The following ADAMTS13 variants were observed in gnomAD, a reference collection of about 807,000 sequenced individuals.
The protein encoded by ADAMTS13 is ADAM metallopeptidase with thrombospondin type 1 motif 13, also known as A disintegrin and metalloproteinase with thrombospondin motifs 13.
In ADAMTS13, 110 loss-of-function variants were observed where a neutral mutation model predicts 155.1. That is an observed-to-expected ratio of 0.71 (90% CI 0.61 to 0.83). The LOEUF (loss-of-function observed/expected upper bound fraction) is 0.83, where lower values mean the gene tolerates loss of function less well. Ranked by LOEUF, ADAMTS13 falls within the 40% of genes least tolerant of loss-of-function variation. The pLI is 0.00. For missense variants in ADAMTS13, 1,707 were observed against 1,891.7 expected, an observed-to-expected ratio of 0.90 and a Z score of 1.81; for synonymous variants, 758 against 756.4, an observed-to-expected ratio of 1.00 and a Z score of -0.03.
At position 133,429,993 on chromosome 9, in the gene ADAMTS13, G is replaced by C. The variant is rs1554786744; in HGVS notation, c.879G>C (p.Ala293=). ...CGCCGCGGCCTCAACCCGGGTCCGC[G>C]GGGCACCCGCCGGATGCGCAGCCTG... ...WDPPRPQPGS[A]GHPPDAQPGL... is the part of the protein sequence containing the mutation. The change falls in exon 8 of 29, where the codon GCG becomes GCC. Residue 293 remains alanine (A), a synonymous_variant. Coordinates refer to ENST00000355699, the MANE Select transcript of ADAMTS13 (RefSeq NM_139027.6). 8 of 1,560,628 alleles carry C rather than the reference G, an allele frequency of 5.1e-6. No individual in the cohort carries two copies. The highest frequency in any genetic ancestry group is 6.9e-6 in the Non-Finnish European group (8 of 1,157,904).
upstream of ADAMTS13, among the ~76,000 whole-genome samples, chr9:133,421,841 G>A (rs1208281019): frequency 6.6e-6 from 1 of 152,192 alleles, no homozygotes; most frequent in Non-Finnish European, 1.5e-5. Flanking sequence ...GGCTCTGTGG[G>A]TGTAAAAGAG....
At chr9:133,430,771 C>G (rs1840697675) in intron 8 of ADAMTS13, among the ~76,000 whole-genome samples, 1 of 150,582 alleles carries the variant, frequency 6.6e-6, no homozygotes, top group Non-Finnish European at 1.5e-5. Flanking sequence ...CACCATTCTC[C>G]TGCCTCAGCC....
intron 24 of ADAMTS13, among the ~76,000 whole-genome samples, 163 bp downstream of exon 24, chr9:133,454,782 G>A (rs916422539): frequency 1.3e-5 from 2 of 152,236 alleles, no homozygotes; most frequent in African/African-American, 2.4e-5. Flanking sequence ...CAGAGAGACA[G>A]AGGGCCTAGA....
intron 11 of ADAMTS13, among the ~76,000 whole-genome samples, chr9:133,436,405 A>G (rs960866433): frequency 6.6e-6 from 1 of 151,924 alleles, no homozygotes; most frequent in African/African-American, 2.4e-5. Context: ...AACTCCGGTT[A>G]TCTTCTGTCA....
In ADAMTS13 at chr9:133,434,346, C is replaced by T. The variant is rs587680588; in HGVS notation, c.1308+642C>T. 3.9e-5 allele frequency among the ~76,000 whole-genome samples: 6 copies of T among 152,248 alleles called. No homozygotes were observed. In the East Asian group the frequency reaches 9.7e-4, roughly 25 times the overall value. On this transcript the variant is annotated intron_variant, in intron 11 of 28. Transcript: ENST00000355699. Reference sequence around the variant, plus strand: ...TTTTAGACAGAGTCTCTCCCTGTCACCCAGACTGGAGTGCAGTGGTGCTAT... The same window carrying T: ...TTTTAGACAGAGTCTCTCCCTGTCATCCAGACTGGAGTGCAGTGGTGCTAT...
Position 133,449,925 on chromosome 9 carries a change from G to A in ADAMTS13, c.3004G>A (p.Glu1002Lys). ...CCAGTGCCAGGGGCTGCCTCGCCCG[G>A]AACCCCAGGAGGCCTGCAGCCTGGA... The part of the protein sequence containing the change: ...DTQCQGLPRP[E>K]PQEACSLEPC... The change falls in exon 23 of 29, where the codon GAA becomes AAA. Residue 1002 changes from glutamate (E) to lysine (K), a missense_variant. This residue lies in a region of ADAMTS13 where 961 missense variants were observed against 1,107.9 expected (regional missense o/e 0.87). Coordinates refer to ENST00000355699, the MANE Select transcript of ADAMTS13 (RefSeq NM_139027.6). 2 of 1,611,626 alleles carry A rather than the reference G, an allele frequency of 1.2e-6. No individual in the cohort carries two copies. The highest frequency in any genetic ancestry group is 8.5e-7 in the Non-Finnish European group (1 of 1,179,494).
At chr9:133,437,597 T>G in intron 12 of ADAMTS13, 152 bp from the exon 13 acceptor site, 1 of 883,346 alleles carries the variant, frequency 1.1e-6, no homozygotes, top group Non-Finnish European at 1.8e-6. Context: ...TAGATTAGAT[T>G]AGGATCGTGA....
chr9:133,436,575 G>A (rs1036098663), intron 11 of ADAMTS13, among the ~76,000 whole-genome samples: 4 of 152,178 alleles, frequency 2.6e-5, no homozygotes, highest in Non-Finnish European at 4.4e-5. Context: ...GGCTCTGAGC[G>A]TAATGCTCTT....
At chr9:133,428,566 C>CGGGGG in intron 6 of ADAMTS13, 68 bp from the exon 7 acceptor site, 1 of 283,532 alleles carries the variant, frequency 3.5e-6, no homozygotes, top group Non-Finnish European at 6.4e-6. Context: ...CGCCGACCCC[C>CGGGGG]GTCCCGCCCC....
chr9:133,458,938 G>T (rs782588011), intron 28 of ADAMTS13, 36 bp from the exon 29 acceptor site: 1 of 1,584,238 alleles, frequency 6.3e-7, no homozygotes, highest in South Asian at 1.1e-5. Context: ...ATTATTACTT[G>T]TGGCCGGTCC....
chr9:133,434,917 G>A lies in ADAMTS13; in HGVS notation c.1308+1213G>A, dbSNP rs587637232. Among the ~76,000 whole-genome samples the A allele has an allele frequency of 4.1e-3, 630 of 152,248 alleles. 3 individuals are homozygous for A. The highest frequency in any genetic ancestry group is 6.7e-3 in the Non-Finnish European group (459 of 68,006). On this transcript the variant is annotated intron_variant, in intron 11 of 28. Coordinates refer to ENST00000355699, the MANE Select transcript of ADAMTS13 (RefSeq NM_139027.6). ...TTCCTGCCTGCCTTCCTCCCCCAGCGGCACGTCCCCAAGGCTCACCTGTGT... is the reference window on the plus strand; with the variant it reads ...TTCCTGCCTGCCTTCCTCCCCCAGCAGCACGTCCCCAAGGCTCACCTGTGT...
chr9:133,428,680 A>T lies in ADAMTS13; in HGVS notation c.733A>T (p.Ser245Cys). The T allele has an allele frequency of 7.4e-7, 1 of 1,354,556 alleles. No individual in the cohort carries two copies. The highest frequency in any genetic ancestry group is 9.5e-7 in the Non-Finnish European group (1 of 1,049,696). 83.9% of individuals were successfully genotyped at this position (1,354,556 alleles called of 1,614,324 possible). ...CGCGCCCGGCAGCGGCTGCGGCCCC[A>T]GCGGACACGTGATGGCTTCGGACGG... ...DGAPGSGCGP[S>C]GHVMASDGAA... The change falls in exon 7 of 29, where the codon AGC (serine) becomes TGC (cysteine). Residue 245 changes from serine (S) to cysteine (C), a missense_variant. Ser to Cys is a moderately radical substitution (Grantham distance 112, BLOSUM62 -1). Around this residue, in one of 3 missense-constraint regions of ADAMTS13, gnomAD observed 733 missense variants for 749.6 expected, o/e 0.98. Transcript: ENST00000355699.
intron 23 of ADAMTS13, 129 bp downstream of exon 23, chr9:133,450,094 G>A: frequency 8.8e-7 from 1 of 1,140,444 alleles, no homozygotes; most frequent in South Asian, 1.5e-5. Context: ...GTCCAGGAGT[G>A]CAAGTCCAAC....
rs782202519 is a variant in ADAMTS13 at position 133,414,968 on chromosome 9, A to G, written n.287+324A>G. ...CTTTTTGGAACCCATCTGAGAGATG[A>G]CAAGAGGCTTTTCTGGGGCCTGAGA... On this transcript the variant is annotated intron_variant and non_coding_transcript_variant, in intron 1 of 17. Transcript: ENST00000485925. 3.7e-6 allele frequency: 6 copies of G among 1,601,266 alleles called. No homozygotes were observed. In the East Asian group the frequency reaches 1.3e-4, roughly 36 times the overall value.
chr9:133,423,270 G>A, intron 2 of ADAMTS13, 103 bp downstream of exon 2: 2 of 1,142,552 alleles, frequency 1.8e-6, no homozygotes, highest in Non-Finnish European at 2.6e-6. Flanking sequence ...GGATCTGGAA[G>A]GAGAAGGTCA....
At chr9:133,432,345 GAAA>G (rs1263545841) in intron 8 of ADAMTS13, among the ~76,000 whole-genome samples, 3 of 152,176 alleles carry the variant, frequency 2.0e-5, no homozygotes, top group African/African-American at 7.2e-5. Flanking sequence ...AGGAAAAAAA[GAAA>G]AAAGACACAA....
chr9:133,434,738 C>T (rs937423504), intron 11 of ADAMTS13, among the ~76,000 whole-genome samples: 4 of 152,210 alleles, frequency 2.6e-5, no homozygotes, highest in African/African-American at 7.2e-5. Flanking sequence ...AGAACGTTTC[C>T]AGTACTCTGG....
Position 133,426,352 on chromosome 9 carries a change from A to G in ADAMTS13, c.686+7A>G, listed in dbSNP as rs782819693. 18 of 1,599,652 alleles carry G rather than the reference A, an allele frequency of 1.1e-5. No individual in the cohort carries two copies. The highest frequency in any genetic ancestry group is 1.4e-5 in the Non-Finnish European group (17 of 1,179,932). On this transcript the variant is annotated splice_region_variant and intron_variant, in intron 6 of 28. Coordinates refer to ENST00000355699, the MANE Select transcript of ADAMTS13 (RefSeq NM_139027.6). ...CCCATGAGATTGGGCACAGGTATGT[A>G]GCCCCACCAGCTGTCCCCAGGATCT...
chr9:133,441,862 T>C lies in ADAMTS13; in HGVS notation c.1969-537T>C, dbSNP rs1450326442. 6.6e-6 allele frequency among the ~76,000 whole-genome samples: 1 copy of C among 152,188 alleles called. No homozygotes were observed. The highest frequency in any genetic ancestry group is 1.5e-5 in the Non-Finnish European group (1 of 68,002). On this transcript the variant is annotated intron_variant, in intron 16 of 28. Coordinates refer to ENST00000355699, the MANE Select transcript of ADAMTS13 (RefSeq NM_139027.6). This position sits in a 1 kb window ranked among gnomAD's most constrained non-coding sequence, Gnocchi z 5.0. Reference sequence around the variant, plus strand: ...TGTGCTGGCCCTGCCCTAGCCCTTCTTGGGCTCCTTAGCCCAGCCTAAGGT... The same window carrying C: ...TGTGCTGGCCCTGCCCTAGCCCTTCCTGGGCTCCTTAGCCCAGCCTAAGGT...
Sources: allele counts gnomAD v4.1 joint callset (sites outside exome capture counted in the v4.1 genomes callset), GRCh38; gene constraint gnomAD v4.1.1; regional missense constraint gnomAD v4.1.1; non-coding constraint Gnocchi (gnomAD v3.1); transcripts MANE v1.5; gene names NCBI Gene and HGNC (gene_info 2026-07-23, HGNC 2026-07-21).